The following LVRN variants were observed in gnomAD, a reference collection of about 807,000 sequenced individuals.
LVRN encodes the protein laeverin.
LVRN carries 99 observed loss-of-function variants against 111.4 expected under a neutral mutation model. The observed-to-expected ratio is 0.89, with a 90% CI of 0.76 to 1.05. LVRN has a LOEUF of 1.05. Ranked by LOEUF, LVRN falls within the 50% of genes least tolerant of loss-of-function variation. The pLI is 0.00. For synonymous variants in LVRN, 488 were observed against 449.5 expected, an observed-to-expected ratio of 1.09 and a Z score of -1.08; for missense variants, 1,414 against 1,206.8, an observed-to-expected ratio of 1.17 and a Z score of -2.54.
chr5:116,026,041 C>T lies in LVRN; in HGVS notation c.2896C>T (p.Gln966Ter), dbSNP rs776630016. 6.2e-7 allele frequency: 1 copy of T among 1,613,866 alleles called. No individual in the cohort carries two copies. The highest frequency in any genetic ancestry group is 8.5e-7 in the Non-Finnish European group (1 of 1,179,862). The change falls in exon 20 of 20, where the codon CAG becomes TAG. Residue 966 changes from glutamine to a stop codon, truncating the protein, a stop_gained. Coordinates refer to ENST00000357872, the MANE Select transcript of LVRN (RefSeq NM_173800.5). LOFTEE classifies it high-confidence loss of function. ...HQRIRVHANL[Q>*]TIKNENLKNK... Reference sequence around the variant, plus strand: ...GAGGATCAGAGTTCATGCCAACTTACAGACAATAAAGAATGAAAATCTGAA... The same window carrying T: ...GAGGATCAGAGTTCATGCCAACTTATAGACAATAAAGAATGAAAATCTGAA...
At chr5:115,991,742 A>G (rs1389386346) in intron 4 of LVRN, among the ~76,000 whole-genome samples, 1 of 152,128 alleles carries the variant, frequency 6.6e-6, no homozygotes, top group Non-Finnish European at 1.5e-5. Flanking sequence ...TTAATTTAAA[A>G]TTCTCTAATG....
intron 1 of LVRN, among the ~76,000 whole-genome samples, chr5:115,966,244 C>G (rs531010371): frequency 1.3e-5 from 2 of 152,306 alleles, no homozygotes; most frequent in South Asian, 4.1e-4. Flanking sequence ...ATCTCTAACC[C>G]CTGACAACCA....
At chr5:116,015,574 TA>T in intron 17 of LVRN, 53 bp from the exon 18 acceptor site, 1 of 1,551,502 alleles carries the variant, frequency 6.4e-7, no homozygotes, top group South Asian at 1.3e-5. Context: ...TTATTTAAAT[TA>T]ACTCTTTATG....
rs376902145 is a variant in LVRN at position 115,995,355 on chromosome 5, G to A, written c.1374+1501G>A. Reference sequence around the variant, plus strand: ...ATCACAGCATCTGGCAAGCACTGATGTAGTGCACGCTTTTAACACCCGAGT... The same window carrying A: ...ATCACAGCATCTGGCAAGCACTGATATAGTGCACGCTTTTAACACCCGAGT... On this transcript the variant is annotated intron_variant, in intron 6 of 19. Transcript: ENST00000357872. 1.7e-4 allele frequency: 26 copies of A among 152,322 alleles called. No individual in the cohort carries two copies. The South Asian group carries it at 1.9e-3, about 11-fold the overall frequency. 9.4% of individuals were successfully genotyped at this position (152,322 alleles called of 1,614,324 possible). A position where few individuals can be genotyped will look rare whatever the true frequency, so the allele number is the denominator to read the frequency against.
At chr5:115,979,157 G>T (rs1205028139) in intron 1 of LVRN, among the ~76,000 whole-genome samples, 3 of 152,060 alleles carry the variant, frequency 2.0e-5, no homozygotes, top group Admixed American at 2.0e-4. Flanking sequence ...TGCAAGGAAT[G>T]CTCATGCTTC....
chr5:115,971,744 G>A (rs563354036), intron 1 of LVRN, among the ~76,000 whole-genome samples: 1 of 151,994 alleles, frequency 6.6e-6, no homozygotes, highest in South Asian at 2.1e-4. Flanking sequence ...CTTGAAACTA[G>A]GTGTTATTCA....
At chr5:115,986,373 G>A (rs936607037) in intron 3 of LVRN, among the ~76,000 whole-genome samples, 1 of 152,210 alleles carries the variant, frequency 6.6e-6, no homozygotes, top group African/African-American at 2.4e-5. Flanking sequence ...TATCTCAAGT[G>A]CCTTGCTGTG....
Position 115,983,402 on chromosome 5 carries a change from G to T in LVRN, c.811G>T (p.Val271Leu), listed in dbSNP as rs747674977. ...NITMIHHPSY[V>L]ALSNMPKLGQ... ...TACAATGATTCATCATCCAAGTTAT[G>T]TGGCCCTTTCCAACATGCCAAAGCT... The change falls in exon 2 of 20, where the codon GTG becomes TTG. Residue 271 changes from valine to leucine, a missense_variant. Val to Leu is a conservative substitution (Grantham distance 32). Coordinates refer to ENST00000357872, the MANE Select transcript of LVRN (RefSeq NM_173800.5). 2 of 1,607,596 alleles carry T rather than the reference G, an allele frequency of 1.2e-6. No individual in the cohort carries two copies. Among genetic ancestry groups the T allele is most frequent in the African/African-American group, 2.7e-5 (2 of 74,506 alleles).
chr5:115,977,146 A>G (rs1561555400), intron 1 of LVRN, among the ~76,000 whole-genome samples: 3 of 151,998 alleles, frequency 2.0e-5, no homozygotes, highest in South Asian at 2.1e-4. Flanking sequence ...GATGATTACT[A>G]TTTGTCCAAA....
chr5:116,010,986 A>C, intron 14 of LVRN, 92 bp downstream of exon 14: 2 of 838,890 alleles, frequency 2.4e-6, no homozygotes, highest in Non-Finnish European at 3.1e-6. Flanking sequence ...GTCTTTTCCA[A>C]AGTAATAGTC....
intron 12 of LVRN, among the ~76,000 whole-genome samples, chr5:116,003,925 C>T (rs964748138): frequency 3.9e-5 from 6 of 152,124 alleles, no homozygotes; most frequent in Non-Finnish European, 8.8e-5. Context: ...TCCAAAACAA[C>T]CTTTCCAGGT....
At chr5:115,985,198 A>G (rs1423102216) in intron 3 of LVRN, among the ~76,000 whole-genome samples, 2 of 152,180 alleles carry the variant, frequency 1.3e-5, no homozygotes, top group African/African-American at 4.8e-5. Flanking sequence ...GCAGGTTAAA[A>G]TATTATCCCT....
At chr5:115,989,871 T>C (rs1373256269) in intron 4 of LVRN, among the ~76,000 whole-genome samples, 5 of 152,198 alleles carry the variant, frequency 3.3e-5, no homozygotes, top group South Asian at 2.1e-4. Flanking sequence ...AGATAACTAA[T>C]GTTTCTTAAT....
chr5:115,989,185 G>A (rs934686729), intron 4 of LVRN, among the ~76,000 whole-genome samples: 5 of 152,080 alleles, frequency 3.3e-5, no homozygotes, highest in Non-Finnish European at 7.4e-5. Context: ...TAAAACCTCT[G>A]TGTGACCTCC....
chr5:115,993,766 A>G lies in LVRN; in HGVS notation c.1286A>G (p.Asn429Ser). 6.2e-7 allele frequency: 1 copy of G among 1,608,514 alleles called. No homozygotes were observed. The highest frequency in any genetic ancestry group is 8.5e-7 in the Non-Finnish European group (1 of 1,178,576). The change falls in exon 6 of 20, where the codon AAT (asparagine) becomes AGT (serine). Residue 429 changes from asparagine (N) to serine (S), a missense_variant. By Grantham distance (46) the Asn-to-Ser change is conservative (BLOSUM62 1). Coordinates refer to ENST00000357872, the MANE Select transcript of LVRN (RefSeq NM_173800.5). The stretch of plus-strand genomic sequence containing the variant: ...TGGTTTGGAAACTTGGTTACCATGA[A>G]TTGGTGGAACAATATCTGGCTCAAC... The part of the protein sequence containing the change: ...HQWFGNLVTM[N>S]WWNNIWLNEG...
intron 13 of LVRN, among the ~76,000 whole-genome samples, chr5:116,009,118 G>A (rs1490707111): frequency 6.6e-6 from 1 of 152,170 alleles, no homozygotes; most frequent in Non-Finnish European, 1.5e-5. Context: ...TTACCATTCT[G>A]TAAATCCTAG....
At chr5:115,967,392 T>C (rs1156856221) in intron 1 of LVRN, among the ~76,000 whole-genome samples, 1 of 152,170 alleles carries the variant, frequency 6.6e-6, no homozygotes, top group Non-Finnish European at 1.5e-5. Context: ...TTGAAAAGAG[T>C]ATCCTCCCAC....
At position 116,022,444 on chromosome 5, in the gene LVRN, CTACAGATT is replaced by C; in HGVS notation, c.2819_2826del (p.Leu940CysfsTer9). On this transcript the variant is annotated frameshift_variant, in exon 19 of 20. Coordinates refer to ENST00000357872, the MANE Select transcript of LVRN (RefSeq NM_173800.5). LOFTEE classifies it low-confidence loss of function (END_TRUNC). ...ATATATACAATAGGGAGAACCGTAA[CTACAGATT>C]TACAGATTGTGGAGGTAAGTACTTT... is the stretch of plus-strand genomic sequence containing the variant. 1.9e-6 allele frequency: 3 copies of C among 1,558,124 alleles called. No individual in the cohort carries two copies. Among genetic ancestry groups the C allele is most frequent in the Non-Finnish European group, 2.6e-6 (3 of 1,144,334 alleles).
At chr5:116,020,200 A>G (rs1487591636) in intron 18 of LVRN, 1 of 152,254 alleles carries the variant, frequency 6.6e-6, no homozygotes, top group Non-Finnish European at 1.5e-5. Flanking sequence ...GCCAAAGATG[A>G]TCTCTTGAAT....
Sources: allele counts gnomAD v4.1 joint callset (sites outside exome capture counted in the v4.1 genomes callset), GRCh38; gene constraint gnomAD v4.1.1; transcripts MANE v1.5; gene names NCBI Gene and HGNC (gene_info 2026-07-23, HGNC 2026-07-21).